DGKB: variants seen among roughly 807,000 people sequenced by gnomAD.
DGKB encodes the protein diacylglycerol kinase beta.
Under a neutral mutation model 114.3 loss-of-function variants are expected in DGKB, and 67 were observed. The observed-to-expected ratio is 0.59, with a 90% CI of 0.48 to 0.72. The LOEUF (loss-of-function observed/expected upper bound fraction) is 0.72. Among genes scored for constraint, DGKB ranks in the 30% least tolerant of loss-of-function variants. DGKB has a pLI of 0.00. For synonymous variants in DGKB, 398 were observed against 323.1 expected, an observed-to-expected ratio of 1.23 and a Z score of -2.49; for missense variants, 907 against 975.2, an observed-to-expected ratio of 0.93 and a Z score of 0.93.
At chr7:14,444,787 A>G (rs1236019719) in intron 21 of DGKB, among the ~76,000 whole-genome samples, 1 of 151,864 alleles carries the variant, frequency 6.6e-6, no homozygotes, top group African/African-American at 2.4e-5. Flanking sequence ...TCCGACAAAT[A>G]ATGGTTATTA....
intron 20 of DGKB, among the ~76,000 whole-genome samples, chr7:14,488,005 T>C (rs992255031): frequency 6.6e-6 from 1 of 152,156 alleles, no homozygotes; most frequent in Non-Finnish European, 1.5e-5. Flanking sequence ...TAATGGAATA[T>C]GACAGGATTG....
At position 14,471,213 on chromosome 7, in the gene DGKB, T is replaced by TATACATATATGTATGGAATATATGTATAC. The variant is rs1781271043; in HGVS notation, c.1835+6947_1835+6948insGTATACATATATTCCATACATATATGTAT. Among the ~76,000 whole-genome samples the TATACATATATGTATGGAATATATGTATAC allele has an allele frequency of 2.5e-4, 13 of 52,396 alleles. 5 individuals are homozygous for TATACATATATGTATGGAATATATGTATAC. The highest frequency in any genetic ancestry group is 3.7e-4 in the Non-Finnish European group (10 of 26,934). 34.4% of individuals were successfully genotyped at this position (52,396 alleles called of 152,430 possible). The stretch of plus-strand genomic sequence containing the variant: ...CATATATGTATGGAATATATGTATA[T>TATACATATATGTATGGAATATATGTATAC]ATACATATATATGTATGGAATATAT... On this transcript the variant is annotated intron_variant, in intron 21 of 25. Transcript: ENST00000402815.
intron 4 of DGKB, among the ~76,000 whole-genome samples, chr7:14,753,505 CA>C (rs1276305415): frequency 2.9e-5 from 2 of 69,636 alleles, no homozygotes; most frequent in Non-Finnish European, 4.4e-5. Context: ...GCACTGTAGA[CA>C]AAACAAAACA....
rs189084986 is a variant in DGKB at position 14,313,621 on chromosome 7, G to A, written c.2122+24894C>T. 8.6e-3 allele frequency among the ~76,000 whole-genome samples: 1,317 copies of A among 152,282 alleles called. 16 individuals carry two copies. The highest frequency in any genetic ancestry group is 0.03 in the African/African-American group (1,259 of 41,560). On this transcript the variant is annotated intron_variant, in intron 23 of 25. Transcript: ENST00000402815. ...ACGAGATTATATCCGCACCTGGCTC[G>A]GAGGGTCCTACGCCCACGGAGTCTC...
intron 15 of DGKB, among the ~76,000 whole-genome samples, chr7:14,620,768 C>G (rs1362338052): frequency 6.6e-6 from 1 of 151,536 alleles, no homozygotes; most frequent in Non-Finnish European, 1.5e-5. Context: ...ATTCTTGATG[C>G]CACAGGCGGT....
At chr7:14,268,280 T>C (rs1439780832) in intron 23 of DGKB, among the ~76,000 whole-genome samples, 2 of 152,032 alleles carry the variant, frequency 1.3e-5, no homozygotes, top group African/African-American at 4.8e-5. Context: ...ATCACCAGAT[T>C]ATAAGACATT....
intron 20 of DGKB, among the ~76,000 whole-genome samples, chr7:14,532,925 C>G (rs755391825): frequency 6.6e-6 from 1 of 151,686 alleles, no homozygotes; most frequent in African/African-American, 2.4e-5. Context: ...AGTCTGTAAA[C>G]TATTCTGCAA....
intron 23 of DGKB, among the ~76,000 whole-genome samples, chr7:14,293,026 G>T (rs1802001958): frequency 6.6e-6 from 1 of 152,094 alleles, no homozygotes; most frequent in South Asian, 2.1e-4. Flanking sequence ...ATGAGAGAGA[G>T]AAAGAGGGAA....
chr7:14,614,430 TC>T (rs1408160429), intron 15 of DGKB, among the ~76,000 whole-genome samples: 1 of 151,958 alleles, frequency 6.6e-6, no homozygotes, highest in Non-Finnish European at 1.5e-5. Context: ...GCTAATTGTG[TC>T]CTCTAAATAC....
intron 22 of DGKB, among the ~76,000 whole-genome samples, chr7:14,344,136 A>G (rs1278679022): frequency 6.6e-6 from 1 of 150,914 alleles, no homozygotes; most frequent in African/African-American, 2.4e-5. Flanking sequence ...ATACACAGAT[A>G]TATCATCCTA....
At chr7:14,481,527 G>A (rs917564597) in intron 20 of DGKB, among the ~76,000 whole-genome samples, 3 of 151,964 alleles carry the variant, frequency 2.0e-5, no homozygotes, top group Admixed American at 2.0e-4. Flanking sequence ...AATTTGTCGA[G>A]TAAATTGTTC....
At chr7:14,617,973 T>G (rs538374088) in intron 15 of DGKB, among the ~76,000 whole-genome samples, 1 of 151,768 alleles carries the variant, frequency 6.6e-6, no homozygotes, top group Non-Finnish European at 1.5e-5. Flanking sequence ...ATTTTATGTA[T>G]ATGGAGATAC....
At chr7:14,693,035 G>C (rs1585705896) in intron 9 of DGKB, among the ~76,000 whole-genome samples, 1 of 152,060 alleles carries the variant, frequency 6.6e-6, no homozygotes, top group Admixed American at 6.5e-5. Flanking sequence ...AAGTTATCTT[G>C]AGAAATGACT....
chr7:14,610,015 T>C (rs563279254), intron 16 of DGKB, among the ~76,000 whole-genome samples: 47 of 152,036 alleles, frequency 3.1e-4, no homozygotes, highest in Non-Finnish European at 6.5e-4. Context: ...GCAATCCCAT[T>C]AGTGGGTGTA....
rs1049380198 is a variant in DGKB at position 14,763,666 on chromosome 7, A to T, written c.71-5935T>A. On this transcript the variant is annotated intron_variant, in intron 2 of 25. Coordinates refer to ENST00000402815, the MANE Select transcript of DGKB (RefSeq NM_001350709.2). ...ACAGCCAAAAGAATGTACAGTAGTG[A>T]TTCAAACTCCTATACAGTAAATATA... 6.6e-5 allele frequency among the ~76,000 whole-genome samples: 10 copies of T among 152,188 alleles called. No homozygotes were observed. The South Asian group carries it at 2.1e-3, about 32-fold the overall frequency.
intron 13 of DGKB, among the ~76,000 whole-genome samples, chr7:14,648,347 G>A (rs535485342): frequency 5.3e-4 from 81 of 152,248 alleles, no homozygotes; most frequent in African/African-American, 1.6e-3. Flanking sequence ...CCTGACCCCC[G>A]AGCAGCCTAA....
At chr7:14,913,913 C>G (rs1225222877) in intron 1 of DGKB, among the ~76,000 whole-genome samples, 1 of 151,954 alleles carries the variant, frequency 6.6e-6, no homozygotes, top group Non-Finnish European at 1.5e-5. Context: ...AAGAGACAAG[C>G]AAACATAGAG....
intron 20 of DGKB, among the ~76,000 whole-genome samples, chr7:14,493,801 G>T (rs1044738662): frequency 1.3e-5 from 2 of 151,928 alleles, no homozygotes; most frequent in African/African-American, 4.8e-5. Context: ...ACCGTGGAAA[G>T]CACAACCACA....
intron 1 of DGKB, among the ~76,000 whole-genome samples, chr7:14,844,004 G>A (rs1250549017): frequency 1.3e-5 from 2 of 152,142 alleles, no homozygotes; most frequent in African/African-American, 4.8e-5. Context: ...GAATCTGGTA[G>A]GTGTAGCACA....
Sources: allele counts gnomAD v4.1 joint callset (sites outside exome capture counted in the v4.1 genomes callset), GRCh38; gene constraint gnomAD v4.1.1; transcripts MANE v1.5; gene names NCBI Gene and HGNC (gene_info 2026-07-23, HGNC 2026-07-21).